SORCS2: variants seen among roughly 807,000 people sequenced by gnomAD.
SORCS2 encodes VPS10 domain-containing receptor SorCS2.
Under a neutral mutation model 141.6 loss-of-function variants are expected in SORCS2, and 100 were observed. That is an observed-to-expected ratio of 0.71 (90% CI 0.60 to 0.83). The LOEUF (loss-of-function observed/expected upper bound fraction) is 0.83. SORCS2 is among the 40% of genes least tolerant of loss of function. The pLI is 0.00. For missense variants in SORCS2, 1,646 were observed against 1,560.2 expected (o/e 1.05, Z -0.93); for synonymous variants, 789 against 676.9 (o/e 1.17, Z -2.57).
rs199657661 is a variant in SORCS2, at chr4:7,687,405, C to A, written c.1489-2081C>A. Among the ~76,000 whole-genome samples, 8 of 152,182 alleles carry A rather than the reference C, an allele frequency of 5.3e-5. No homozygotes were observed. The East Asian group carries it at 1.5e-3, about 29-fold the overall frequency. Reference sequence around the variant, plus strand: ...GCCAGCAAGTCTATTCACTCGTAGGCCTGCTTTTCCACTGTAAGAAATCAG... The same window carrying A: ...GCCAGCAAGTCTATTCACTCGTAGGACTGCTTTTCCACTGTAAGAAATCAG... On this transcript the variant is annotated intron_variant, in intron 10 of 26. Transcript: ENST00000507866.
chr4:7,427,982 C>T (rs1385616518), intron 2 of SORCS2, among the ~76,000 whole-genome samples: 2 of 152,092 alleles, frequency 1.3e-5, no homozygotes, highest in African/African-American at 4.8e-5. Context: ...AGCCAGAGGG[C>T]AGGAACAGGT....
rs200410060 is a variant in SORCS2, at chr4:7,731,270, AG to A, written c.3108+1559del. ...AACAAATTAAACCAAGGTGGTGAAA[AG>A]CTTGTGCACTAAAAACCATAAAACA... On this transcript the variant is annotated intron_variant, in intron 23 of 26. Coordinates refer to ENST00000507866, the MANE Select transcript of SORCS2 (RefSeq NM_020777.3). Among the ~76,000 whole-genome samples the A allele has an allele frequency of 3.2e-4, 49 of 152,352 alleles. 1 individual carries two copies. The East Asian group carries it at 5.8e-3, about 18-fold the overall frequency.
At chr4:7,326,481 A>T (rs1719267870) in intron 1 of SORCS2, among the ~76,000 whole-genome samples, 1 of 152,036 alleles carries the variant, frequency 6.6e-6, no homozygotes, top group African/African-American at 2.4e-5. Context: ...CCCAAGCCTA[A>T]GCGTGAAGCA....
intron 1 of SORCS2, chr4:7,382,062 C>T: frequency 4.6e-6 from 4 of 864,686 alleles, no homozygotes; most frequent in Non-Finnish European, 5.6e-6. Flanking sequence ...CGGGAAAGGC[C>T]CAGGCATGAG....
chr4:7,707,784 G>A (rs1421468881), intron 14 of SORCS2, among the ~76,000 whole-genome samples: 1 of 152,220 alleles, frequency 6.6e-6, no homozygotes, highest in Non-Finnish European at 1.5e-5. Flanking sequence ...ATGCACCTGT[G>A]AGGATGACAC....
chr4:7,688,757 TTTTGGCATCTGTTGGTTCAG>T (rs770571745), intron 10 of SORCS2, among the ~76,000 whole-genome samples: 20 of 152,140 alleles, frequency 1.3e-4, no homozygotes, highest in Non-Finnish European at 2.5e-4. Flanking sequence ...CCACAAAGCC[TTTTGGCATCTGTTGGTTCAG>T]TGGGGTCTCT....
intron 3 of SORCS2, among the ~76,000 whole-genome samples, chr4:7,634,470 A>T (rs1720107384): frequency 6.6e-6 from 1 of 152,186 alleles, no homozygotes; most frequent in Admixed American, 6.5e-5. Flanking sequence ...CCAGAGCTGG[A>T]GCTATTTGAG....
intron 2 of SORCS2, among the ~76,000 whole-genome samples, chr4:7,481,511 C>T (rs1431850530): frequency 6.6e-6 from 1 of 152,168 alleles, no homozygotes; most frequent in Admixed American, 6.5e-5. Context: ...CGGCAGGGAT[C>T]AAGGGCTCTG....
intron 2 of SORCS2, among the ~76,000 whole-genome samples, chr4:7,438,399 C>T (rs1727444809): frequency 6.6e-6 from 1 of 152,186 alleles, no homozygotes; most frequent in African/African-American, 2.4e-5. Context: ...GAAGATCTAC[C>T]AGCTTCCTTC....
intron 3 of SORCS2, among the ~76,000 whole-genome samples, chr4:7,596,039 C>T (rs923913891): frequency 5.3e-5 from 8 of 152,312 alleles, no homozygotes; most frequent in Admixed American, 3.9e-4. Flanking sequence ...CCTCACAAAC[C>T]ATGGTTCTAG....
intron 3 of SORCS2, among the ~76,000 whole-genome samples, chr4:7,577,740 C>T (rs1193921874): frequency 3.4e-5 from 5 of 146,632 alleles, no homozygotes; most frequent in Non-Finnish European, 7.4e-5. Flanking sequence ...TCAGCTAGTG[C>T]CATGGTTTGG....
chr4:7,617,631 T>C (rs1195970322), intron 3 of SORCS2, among the ~76,000 whole-genome samples: 1 of 152,174 alleles, frequency 6.6e-6, no homozygotes, highest in Non-Finnish European at 1.5e-5. Flanking sequence ...GAGTGCTTCA[T>C]AGAGGAGGAG....
At position 7,712,729 on chromosome 4, in the gene SORCS2, C is replaced by A; in HGVS notation, c.1869-4C>A. 1 of 1,613,964 alleles carries A rather than the reference C, an allele frequency of 6.2e-7. No individual in the cohort carries two copies. The highest frequency in any genetic ancestry group is 8.5e-7 in the Non-Finnish European group (1 of 1,179,858). ...CTCTCCCTTCCCTCCTCTTCCCACCCCAGGGTCTTTGGCCACATCAGCTTC... is the reference window on the plus strand; with the variant it reads ...CTCTCCCTTCCCTCCTCTTCCCACCACAGGGTCTTTGGCCACATCAGCTTC... On this transcript the variant is annotated splice_polypyrimidine_tract_variant and splice_region_variant and intron_variant, in intron 14 of 26. Coordinates refer to ENST00000507866, the MANE Select transcript of SORCS2 (RefSeq NM_020777.3).
chr4:7,376,826 A>C (rs1243966027), intron 1 of SORCS2, among the ~76,000 whole-genome samples: 2 of 152,178 alleles, frequency 1.3e-5, no homozygotes, highest in Non-Finnish European at 2.9e-5. Flanking sequence ...AGAATTTCCC[A>C]AAACAGCAGG....
At chr4:7,313,529 C>A (rs201624354) in intron 1 of SORCS2, among the ~76,000 whole-genome samples, 1 of 152,060 alleles carries the variant, frequency 6.6e-6, no homozygotes, top group East Asian at 1.9e-4. Context: ...GTTCCAGGCA[C>A]GGGGAGGAAG....
rs146302541 is a variant in SORCS2, at chr4:7,697,717, G to A, written c.1668+443G>A. Among the ~76,000 whole-genome samples the A allele has an allele frequency of 9.7e-3, 1,476 of 151,754 alleles. 32 individuals are homozygous for A. Among genetic ancestry groups the A allele is most frequent in the African/African-American group, 0.034 (1,404 of 41,364 alleles). ...CCAGGAGGGGGCTACGGGGGACTCCGGGTTCCTGGCAGGGGCTGTGGACAC... is the reference window on the plus strand; with the variant it reads ...CCAGGAGGGGGCTACGGGGGACTCCAGGTTCCTGGCAGGGGCTGTGGACAC... On this transcript the variant is annotated intron_variant, in intron 12 of 26. Transcript: ENST00000507866.
At position 7,690,716 on chromosome 4, in the gene SORCS2, A is replaced by T. The variant is rs569199452; in HGVS notation, c.1591+1128A>T. The stretch of plus-strand genomic sequence containing the variant: ...GATGAATGGATAGAAAAACTGATAG[A>T]TGGGTAGGTGGATCAATGGATGGAT... On this transcript the variant is annotated intron_variant, in intron 11 of 26. Transcript: ENST00000507866. 5.3e-5 allele frequency among the ~76,000 whole-genome samples: 8 copies of T among 152,170 alleles called. No homozygotes were observed. In the East Asian group the frequency reaches 1.5e-3, roughly 29 times the overall value.
At chr4:7,550,760 A>G (rs532142930) in intron 3 of SORCS2, among the ~76,000 whole-genome samples, 1 of 152,190 alleles carries the variant, frequency 6.6e-6, no homozygotes, top group Non-Finnish European at 1.5e-5. Context: ...TCACGAGGAA[A>G]ATGGAGTCAT....
At chr4:7,714,948 T>C (rs2109041832) in intron 16 of SORCS2, among the ~76,000 whole-genome samples, 1 of 152,264 alleles carries the variant, frequency 6.6e-6, no homozygotes, top group East Asian at 1.9e-4. Context: ...GCTCACCTCC[T>C]CCAGGCAGCC....
Sources: gnomAD v4.1 joint callset for allele counts (sites outside exome capture counted in the v4.1 genomes callset) on GRCh38, gnomAD v4.1.1 for gene constraint, MANE v1.5 for transcripts, NCBI Gene and HGNC (gene_info 2026-07-23, HGNC 2026-07-21) for gene names.